Variants in ZNF488 observed in about 807,000 individuals in gnomAD.
The protein encoded by ZNF488 is zinc finger protein 488.
ZNF488 carries 1 observed loss-of-function variant against 1.2 expected under a neutral mutation model. The observed-to-expected ratio is 0.86, with a 90% CI of 0.30 to 4.07. The LOEUF (loss-of-function observed/expected upper bound fraction) is 4.07. Ranked by LOEUF, ZNF488 falls within the 30% of genes most tolerant of loss-of-function variation. The probability of loss-of-function intolerance (pLI) is 0.18; values close to 1 mark genes in which losing one functional copy is unlikely to be tolerated. For synonymous variants in ZNF488, 185 were observed against 190.1 expected (o/e 0.97, Z 0.22); for missense variants, 450 against 437.9 (o/e 1.03, Z -0.25).
At chr10:47,370,965 G>T (rs545231665) in intron 1 of ZNF488, among the ~76,000 whole-genome samples, 1 of 152,336 alleles carries the variant, frequency 6.6e-6, no homozygotes, top group East Asian at 1.9e-4. Flanking sequence ...GCGAGGCGCG[G>T]TAGTGACAGT....
In ZNF488 at chr10:47,367,849, C is replaced by A. The variant is rs115437527; in HGVS notation, c.981G>T (p.Arg327=). 21 of 1,613,550 alleles carry A rather than the reference C, an allele frequency of 1.3e-5. No homozygotes were observed. The highest frequency in any genetic ancestry group is 1.8e-5 in the Non-Finnish European group (21 of 1,179,946). Residue 327 remains arginine, a synonymous_variant, in exon 2 of 2, where the codon CGG becomes CGT. Transcript: ENST00000585316. ...TGTGCCGGGAGAGGTGGTGGCGCTC[C>A]CGGAAGTGCTCCTGGCACACAGGGC... ...LACPVCQEHF[R]ERHHLSRHMT... is the part of the protein sequence containing the mutation.
At chr10:47,374,658 A>T (rs981930275) in intron 1 of ZNF488, among the ~76,000 whole-genome samples, 1 of 152,182 alleles carries the variant, frequency 6.6e-6, no homozygotes, top group African/African-American at 2.4e-5. Flanking sequence ...CAGAAAAAAA[A>T]GCCTAACCAT....
chr10:47,369,205 T>C (rs1173270034), intron 1 of ZNF488, among the ~76,000 whole-genome samples: 4 of 152,134 alleles, frequency 2.6e-5, no homozygotes, highest in Admixed American at 6.5e-5. Flanking sequence ...GAGAGAAACG[T>C]AGGATTCCCC....
chr10:47,370,368 G>T (rs1555213697), intron 1 of ZNF488, among the ~76,000 whole-genome samples: 1 of 152,190 alleles, frequency 6.6e-6, no homozygotes, highest in Non-Finnish European at 1.5e-5. Context: ...ATCTCCCCTT[G>T]GTTCCAACCC....
chr10:47,383,492 G>A (rs368113574), intron 1 of ZNF488, among the ~76,000 whole-genome samples: 1 of 152,200 alleles, frequency 6.6e-6, no homozygotes. Flanking sequence ...GCTTCTGCAA[G>A]GCTTAGCTTC....
At chr10:47,374,253 G>GT (rs1389001427) in intron 1 of ZNF488, among the ~76,000 whole-genome samples, 11 of 152,264 alleles carry the variant, frequency 7.2e-5, no homozygotes, top group Admixed American at 7.2e-4. Flanking sequence ...GATCAATCTG[G>GT]TTTTTTAGAC....
chr10:47,380,207 A>G (rs1417811867), intron 1 of ZNF488, among the ~76,000 whole-genome samples: 1 of 152,274 alleles, frequency 6.6e-6, no homozygotes, highest in Non-Finnish European at 1.5e-5. Flanking sequence ...TGTCCTGGGA[A>G]GGGCTCCTCT....
In ZNF488 at chr10:47,365,977, A is replaced by G. The variant is rs960159756; in HGVS notation, c.*1830T>C. 6.0e-6 allele frequency: 1 copy of G among 167,148 alleles called. No homozygotes were observed. The highest frequency in any genetic ancestry group is 1.5e-5 in the Non-Finnish European group (1 of 68,146). The allele number at this position is 167,148 out of a possible 1,614,324, so 10.4% of individuals were successfully genotyped here. On this transcript the variant is annotated 3_prime_UTR_variant, in exon 2 of 2. Coordinates refer to ENST00000585316, the MANE Select transcript of ZNF488 (RefSeq NM_153034.4). ...AGCTCGGCCCATGAAGGTAGCAGGT[A>G]TAGCTTCAGGGAAGTGTCAGAAACA...
In ZNF488 at chr10:47,365,625, C is replaced by T. The variant is rs1294935719; in HGVS notation, c.*2182G>A. ...GTGTGGAGGCAGCAAATCAACAAGA[C>T]GACAAACAGAAAGATGGTTGCAGAT... On this transcript the variant is annotated 3_prime_UTR_variant, in exon 2 of 2. Transcript: ENST00000585316. 2 of 167,124 alleles carry T rather than the reference C, an allele frequency of 1.2e-5. No individual in the cohort carries two copies. Among genetic ancestry groups the T allele is most frequent in the African/African-American group, 2.4e-5 (1 of 41,428 alleles). 10.4% of individuals were successfully genotyped at this position (167,124 alleles called of 1,614,324 possible). A position where few individuals can be genotyped will look rare whatever the true frequency, so the allele number is the denominator to read the frequency against.
rs545927837 is a variant in ZNF488, at chr10:47,379,121, A to T, written c.-109+5099T>A. On this transcript the variant is annotated intron_variant, in intron 1 of 1. Coordinates refer to ENST00000585316, the MANE Select transcript of ZNF488 (RefSeq NM_153034.4). ...GTTCTCCTTTACAGCAGGATGGAAC[A>T]TTTGCTATCAGGATGCTTCAGGGTA... 9.8e-4 allele frequency among the ~76,000 whole-genome samples: 149 copies of T among 152,354 alleles called. 2 individuals carry two copies. Among genetic ancestry groups the T allele is most frequent in the African/African-American group, 3.5e-3 (145 of 41,582 alleles).
intron 1 of ZNF488, among the ~76,000 whole-genome samples, chr10:47,378,929 G>C (rs901359242): frequency 6.6e-5 from 10 of 152,152 alleles, no homozygotes; most frequent in African/African-American, 1.2e-4. Context: ...ATGTCGGCCA[G>C]TGTCTCCCAA....
chr10:47,368,646 C>T lies in ZNF488; in HGVS notation c.184G>A (p.Val62Met), dbSNP rs782344506. 2 of 1,611,322 alleles carry T rather than the reference C, an allele frequency of 1.2e-6. No individual in the cohort carries two copies. Among genetic ancestry groups the T allele is most frequent in the Admixed American group, 1.7e-5 (1 of 60,018 alleles). Residue 62 changes from valine (V) to methionine (M), a missense_variant, in exon 2 of 2, where the codon GTG becomes ATG. Transcript: ENST00000585316. The stretch of plus-strand genomic sequence containing the variant: ...CCCACATCCCGGCCCGCCCTGCCCA[C>T]AGCAGCCTCAGGGCCCAGGCGGTTC... ...KTNRLGPEAA[V>M]GRAGRDVGSA...
At position 47,368,668 on chromosome 10, in the gene ZNF488, G is replaced by A; in HGVS notation, c.162C>T (p.Asn54=). Residue 54 remains asparagine (N), a synonymous_variant, in exon 2 of 2, where the codon AAC becomes AAT. Transcript: ENST00000585316. ...CCACAGCAGCCTCAGGGCCCAGGCG[G>A]TTCGTCTTCTCGAGCAGCACTGGCT... ...GCKPVLLEKT[N]RLGPEAAVGR... is the part of the protein sequence containing the mutation. 6.2e-7 allele frequency: 1 copy of A among 1,612,160 alleles called. No homozygotes were observed. The highest frequency in any genetic ancestry group is 8.5e-7 in the Non-Finnish European group (1 of 1,180,002).
chr10:47,379,369 C>A (rs1297180335), intron 1 of ZNF488, among the ~76,000 whole-genome samples: 1 of 151,616 alleles, frequency 6.6e-6, no homozygotes, highest in Non-Finnish European at 1.5e-5. Context: ...GATCCTGACA[C>A]CGCCAACTGC....
chr10:47,376,724 C>A lies in ZNF488; in HGVS notation c.-109+7496G>T, dbSNP rs559805648. Among the ~76,000 whole-genome samples, 29 of 152,344 alleles carry A rather than the reference C, an allele frequency of 1.9e-4. 1 individual carries two copies. In the South Asian group the frequency reaches 5.6e-3, roughly 29 times the overall value. ...ACCACCAGATCCAGCAGAATGGGGG[C>A]TCAAGCCTGAGGGTCCTCACTGGTT... On this transcript the variant is annotated intron_variant, in intron 1 of 1. Transcript: ENST00000585316.
At chr10:47,374,618 G>A (rs1373125281) in intron 1 of ZNF488, among the ~76,000 whole-genome samples, 1 of 152,150 alleles carries the variant, frequency 6.6e-6, no homozygotes, top group Non-Finnish European at 1.5e-5. Context: ...CAGAGACCAA[G>A]CTTGGGAGCT....
intron 1 of ZNF488, among the ~76,000 whole-genome samples, chr10:47,382,285 C>A (rs797036162): frequency 1.5e-5 from 2 of 134,900 alleles, no homozygotes; most frequent in African/African-American, 5.6e-5. Context: ...AGCCTTCAGG[C>A]AAAAAGTCCA....
At chr10:47,375,019 C>T (rs1036164843) in intron 1 of ZNF488, among the ~76,000 whole-genome samples, 53 of 152,212 alleles carry the variant, frequency 3.5e-4, no homozygotes, top group African/African-American at 1.3e-3. Flanking sequence ...GTTACTGTGG[C>T]ACTTAATAAA....
At position 47,368,485 on chromosome 10, in the gene ZNF488, A is replaced by G; in HGVS notation, c.345T>C (p.Ala115=). 6.2e-7 allele frequency: 1 copy of G among 1,613,570 alleles called. No individual in the cohort carries two copies. Among genetic ancestry groups the G allele is most frequent in the South Asian group, 1.1e-5 (1 of 91,034 alleles). ...CATCGTGCTCCCTCTCCTGGGCCTG[A>G]GCATCCACCTGCCGGTCCTTCATCC... The part of the protein sequence containing the change: ...LPRMKDRQVD[A]QAQEREHDDP... The change falls in exon 2 of 2, where the codon GCT becomes GCC. Residue 115 remains alanine (A), a synonymous_variant. Transcript: ENST00000585316.
Sources: allele counts gnomAD v4.1 joint callset (sites outside exome capture counted in the v4.1 genomes callset), GRCh38; gene constraint gnomAD v4.1.1; transcripts MANE v1.5; gene names NCBI Gene and HGNC (gene_info 2026-07-23, HGNC 2026-07-21).